DSCAML1: variants seen among roughly 807,000 people sequenced by gnomAD.
DSCAML1 encodes DS cell adhesion molecule like 1, also known as cell adhesion molecule DSCAML1.
In DSCAML1, 38 loss-of-function variants were observed where a neutral mutation model predicts 200.5. That is an observed-to-expected ratio of 0.19 (90% CI 0.15 to 0.25). The LOEUF is 0.25. Ranked by LOEUF, DSCAML1 falls within the 10% of genes least tolerant of loss-of-function variation. The probability of loss-of-function intolerance (pLI) is 1.00; values close to 1 mark genes in which losing one functional copy is unlikely to be tolerated. For synonymous variants in DSCAML1, 1,215 were observed against 1,165.0 expected (o/e 1.04, Z -0.87); for missense variants, 2,223 against 2,858.8 (o/e 0.78, Z 5.07).
intron 4 of DSCAML1, among the ~76,000 whole-genome samples, chr11:117,525,785 G>A (rs2137326996): frequency 6.6e-6 from 1 of 152,316 alleles, no homozygotes; most frequent in South Asian, 2.1e-4. Flanking sequence ...GGCCCAGGCT[G>A]TAGAGCAGTG....
At chr11:117,775,625 G>C (rs2055117432) in intron 3 of DSCAML1, among the ~76,000 whole-genome samples, 3 of 152,152 alleles carry the variant, frequency 2.0e-5, no homozygotes, top group East Asian at 3.9e-4. Context: ...TGCATTAGCT[G>C]TCAACACGCC....
chr11:117,592,106 TC>T lies in DSCAML1; in HGVS notation c.512-59585del, dbSNP rs1346224927. 2.0e-5 allele frequency among the ~76,000 whole-genome samples: 3 copies of T among 152,188 alleles called. No individual in the cohort carries two copies. In the South Asian group the frequency reaches 6.2e-4, roughly 32 times the overall value. On this transcript the variant is annotated intron_variant, in intron 3 of 32. Coordinates refer to ENST00000651296, the MANE Select transcript of DSCAML1 (RefSeq NM_020693.4). ...CTGGGGCTAGGGTGGAAAGCTGTGC[TC>T]ATCAGGTAGGGCAGGGGCCCTAGGA...
intron 4 of DSCAML1, among the ~76,000 whole-genome samples, chr11:117,526,934 T>C (rs1299462354): frequency 1.3e-5 from 2 of 152,172 alleles, no homozygotes; most frequent in Non-Finnish European, 2.9e-5. Context: ...GCCCAGGAGT[T>C]GGAGACCAGC....
chr11:117,433,380 G>A, intron 28 of DSCAML1, 61 bp downstream of exon 28: 1 of 1,599,982 alleles, frequency 6.3e-7, no homozygotes, highest in Non-Finnish European at 8.5e-7. Context: ...CGAGGCTCCT[G>A]GGTCCTCCTC....
At chr11:117,433,879 G>A (rs1025866955) in intron 27 of DSCAML1, among the ~76,000 whole-genome samples, 2 of 152,244 alleles carry the variant, frequency 1.3e-5, no homozygotes, top group South Asian at 4.1e-4. Context: ...TAGTAGAGGT[G>A]GTCAATGGGA....
At chr11:117,560,026 A>G (rs11601480) in intron 3 of DSCAML1, among the ~76,000 whole-genome samples, 11 of 151,756 alleles carry the variant, frequency 7.2e-5, no homozygotes, top group Admixed American at 1.3e-4. Context: ...AAGTGAATTT[A>G]GACAGGCCCG....
chr11:117,653,740 A>C (rs684669), intron 3 of DSCAML1, among the ~76,000 whole-genome samples: 108,212 of 152,004 alleles, frequency 0.71, 39,472 homozygotes, highest in African/African-American at 0.87. Context: ...TACATCCAAG[A>C]AAAAGCGTGC....
At chr11:117,545,860 G>A (rs1178305096) in intron 3 of DSCAML1, among the ~76,000 whole-genome samples, 5 of 152,342 alleles carry the variant, frequency 3.3e-5, no homozygotes, top group Admixed American at 6.5e-5. Context: ...GAAGCACAGC[G>A]TCACACAACT....
At chr11:117,572,964 T>C (rs2050871605) in intron 3 of DSCAML1, among the ~76,000 whole-genome samples, 1 of 152,198 alleles carries the variant, frequency 6.6e-6, no homozygotes, top group African/African-American at 2.4e-5. Flanking sequence ...TTAATGTTCA[T>C]AATGGCCCTA....
intron 3 of DSCAML1, among the ~76,000 whole-genome samples, chr11:117,622,945 T>C (rs1184667773): frequency 6.6e-6 from 1 of 152,184 alleles, no homozygotes; most frequent in Non-Finnish European, 1.5e-5. Context: ...ATATAAATGC[T>C]CTTCTACTGG....
chr11:117,565,065 C>A (rs550461222), intron 3 of DSCAML1, among the ~76,000 whole-genome samples: 11 of 152,286 alleles, frequency 7.2e-5, no homozygotes, highest in African/African-American at 2.6e-4. Flanking sequence ...CTGTGCCCGG[C>A]CAAACCTCAC....
chr11:117,707,227 A>C (rs933292066), intron 3 of DSCAML1, among the ~76,000 whole-genome samples: 12 of 152,236 alleles, frequency 7.9e-5, no homozygotes, highest in African/African-American at 2.9e-4. Context: ...AGGAACGACC[A>C]CTGCCTGCCC....
intron 8 of DSCAML1, among the ~76,000 whole-genome samples, chr11:117,513,368 T>C (rs887286444): frequency 4.6e-5 from 7 of 152,138 alleles, no homozygotes; most frequent in African/African-American, 1.7e-4. Flanking sequence ...GGTGTTTGGC[T>C]GTGAGGGTCT....
intron 3 of DSCAML1, among the ~76,000 whole-genome samples, chr11:117,540,555 G>A (rs2050249591): frequency 6.6e-6 from 1 of 151,988 alleles, no homozygotes; most frequent in African/African-American, 2.4e-5. Flanking sequence ...TTTATGTTAT[G>A]TATATTTTAC....
rs1422083914 is a variant in DSCAML1 at position 117,621,862 on chromosome 11, G to A, written c.512-89340C>T. Among the ~76,000 whole-genome samples, 4 of 152,352 alleles carry A rather than the reference G, an allele frequency of 2.6e-5. No homozygotes were observed. In the East Asian group the frequency reaches 5.8e-4, roughly 22 times the overall value. Reference sequence around the variant, plus strand: ...TAGCTAGGTGTTGTGGGTAAGGTATGTAGCCTCCTTGGGCCTCAGTTTTCT... The same window carrying A: ...TAGCTAGGTGTTGTGGGTAAGGTATATAGCCTCCTTGGGCCTCAGTTTTCT... On this transcript the variant is annotated intron_variant, in intron 3 of 32. Coordinates refer to ENST00000651296, the MANE Select transcript of DSCAML1 (RefSeq NM_020693.4).
rs1006616429 is a variant in DSCAML1 at position 117,642,143 on chromosome 11, AC to A, written c.512-109622del. On this transcript the variant is annotated intron_variant, in intron 3 of 32. Transcript: ENST00000651296. This position sits in a 1 kb window ranked among gnomAD's most constrained non-coding sequence, Gnocchi z 4.1. ...AATTATTTCTGGTTTGTAATCCCCA[AC>A]CCCAACCACACTGGATCATAAAGCC... 2.0e-5 allele frequency among the ~76,000 whole-genome samples: 3 copies of A among 151,980 alleles called. No homozygotes were observed. The highest frequency in any genetic ancestry group is 7.3e-5 in the African/African-American group (3 of 41,364).
At chr11:117,439,236 C>T (rs1338251783) in intron 23 of DSCAML1, 30 bp downstream of exon 23, 2 of 1,611,722 alleles carry the variant, frequency 1.2e-6, no homozygotes, top group Non-Finnish European at 1.7e-6. Flanking sequence ...CCTGTCCCCA[C>T]CTGGGGTCAC....
upstream of DSCAML1, among the ~76,000 whole-genome samples, chr11:117,797,815 T>C (rs990350985): frequency 6.6e-6 from 1 of 151,744 alleles, no homozygotes. Context: ...TTTAAACGGT[T>C]ATTCACAATG....
At chr11:117,708,032 GCAA>G (rs1293486014) in intron 3 of DSCAML1, among the ~76,000 whole-genome samples, 1 of 152,158 alleles carries the variant, frequency 6.6e-6, no homozygotes, top group Non-Finnish European at 1.5e-5. Flanking sequence ...GAAGCTAGCT[GCAA>G]CTAGCTTCAA....
Sources: allele counts gnomAD v4.1 joint callset (sites outside exome capture counted in the v4.1 genomes callset), GRCh38; gene constraint gnomAD v4.1.1; non-coding constraint Gnocchi (gnomAD v3.1); transcripts MANE v1.5; gene names NCBI Gene and HGNC (gene_info 2026-07-23, HGNC 2026-07-21).